TATDN2: variants seen among roughly 807,000 people sequenced by gnomAD.
The protein encoded by TATDN2 is 3'-5' RNA nuclease TATDN2.
Under a neutral mutation model 60.3 loss-of-function variants are expected in TATDN2, and 44 were observed. The ratio of observed to expected loss-of-function variants is 0.73; its 90% CI spans 0.57 to 0.94. The LOEUF (loss-of-function observed/expected upper bound fraction) is 0.94. Among genes scored for constraint, TATDN2 ranks in the 40% least tolerant of loss-of-function variants. The probability of loss-of-function intolerance (pLI) is 0.00; values close to 1 mark genes in which losing one functional copy is unlikely to be tolerated. For missense variants in TATDN2, 997 were observed against 948.0 expected, an observed-to-expected ratio of 1.05 and a Z score of -0.68; for synonymous variants, 399 against 355.8, an observed-to-expected ratio of 1.12 and a Z score of -1.37.
intron 2 of TATDN2, among the ~76,000 whole-genome samples, chr3:10,252,980 C>T (rs1417024527): frequency 6.6e-6 from 1 of 151,910 alleles, no homozygotes; most frequent in Non-Finnish European, 1.5e-5. Flanking sequence ...CCTCAGCCTC[C>T]CCAGCAGCTG....
intron 3 of TATDN2, among the ~76,000 whole-genome samples, chr3:10,269,107 T>A (rs916105232): frequency 6.6e-6 from 1 of 152,118 alleles, no homozygotes; most frequent in Non-Finnish European, 1.5e-5. Context: ...GGACAGATGT[T>A]GGCTGTCAGC....
In TATDN2 at chr3:10,249,192, C is replaced by T. The variant is rs1698180895; in HGVS notation, c.-6-3C>T. 3 of 1,509,836 alleles carry T rather than the reference C, an allele frequency of 2.0e-6. No homozygotes were observed. The highest frequency in any genetic ancestry group is 4.5e-5 in the Admixed American group (2 of 44,336). 93.5% of individuals were successfully genotyped at this position (1,509,836 alleles called of 1,614,324 possible). A position where few individuals can be genotyped will look rare whatever the true frequency, so the allele number is the denominator to read the frequency against. The stretch of plus-strand genomic sequence containing the variant: ...TGGAATCCAGGCCCCCTGTACCTTG[C>T]AGGTGCCCATGGCGTCCGAGCGGGG... On this transcript the variant is annotated splice_polypyrimidine_tract_variant and splice_region_variant and intron_variant, in intron 1 of 7. Transcript: ENST00000448281.
At chr3:10,250,875 AAAT>A (rs549758044) in intron 2 of TATDN2, among the ~76,000 whole-genome samples, 221 of 152,322 alleles carry the variant, frequency 1.5e-3, no homozygotes, top group African/African-American at 3.2e-3. Flanking sequence ...GTACAGCATA[AAAT>A]AATACCAGTT....
In TATDN2 at chr3:10,248,934, C is replaced by G. The variant is rs751506454; in HGVS notation, c.-140C>G. 2.5e-6 allele frequency: 1 copy of G among 401,306 alleles called. No homozygotes were observed. The highest frequency in any genetic ancestry group is 4.4e-6 in the Non-Finnish European group (1 of 228,836). 24.9% of individuals were successfully genotyped at this position (401,306 alleles called of 1,614,324 possible). ...CTGGGCAAAGTGAAGGCTTCCTGAT[C>G]TCAGAAGCACGTTGTGGGCTTGGAA... On this transcript the variant is annotated 5_prime_UTR_variant, in exon 1 of 8. The change creates a new upstream start codon in the 5' untranslated region. Coordinates refer to ENST00000448281, the MANE Select transcript of TATDN2 (RefSeq NM_014760.4).
chr3:10,255,706 C>T (rs748485190), intron 2 of TATDN2, among the ~76,000 whole-genome samples: 6 of 152,260 alleles, frequency 3.9e-5, no homozygotes, highest in South Asian at 2.1e-4. Flanking sequence ...CTTTGGGAGG[C>T]TCAGGTGGGC....
chr3:10,266,851 TTTGCTCAGTGCCC>T (rs1335018256), intron 3 of TATDN2, among the ~76,000 whole-genome samples: 1 of 152,152 alleles, frequency 6.6e-6, no homozygotes, highest in African/African-American at 2.4e-5. Context: ...GTGATTACTC[TTTGCTCAGTGCCC>T]AGTAGTAGGT....
At position 10,249,400 on chromosome 3, in the gene TATDN2, G is replaced by A. The variant is rs950041109; in HGVS notation, c.200G>A (p.Arg67Gln). The A allele has an allele frequency of 2.5e-6, 4 of 1,613,238 alleles. No individual in the cohort carries two copies. The highest frequency in any genetic ancestry group is 2.7e-5 in the African/African-American group (2 of 75,044). Residue 67 changes from arginine to glutamine, a missense_variant, in exon 2 of 8, where the codon CGG (arginine) becomes CAG (glutamine). Arg to Gln is a conservative substitution (Grantham distance 43). Coordinates refer to ENST00000448281, the MANE Select transcript of TATDN2 (RefSeq NM_014760.4). ...AAGGAGGACGATGTGGCTTGCTCGC[G>A]GAGGTTATCCTGGGGCTCATCCCGC... is the stretch of plus-strand genomic sequence containing the variant. ...AQKEDDVACS[R>Q]RLSWGSSRRR... is the part of the protein sequence containing the mutation.
Position 10,279,804 on chromosome 3 carries a change from C to T in TATDN2, c.*622C>T, listed in dbSNP as rs1698701851. 6.5e-6 allele frequency: 1 copy of T among 153,162 alleles called. No individual in the cohort carries two copies. The highest frequency in any genetic ancestry group is 6.5e-5 in the Admixed American group (1 of 15,282). The allele number at this position is 153,162 out of a possible 1,614,324, so 9.5% of individuals were successfully genotyped here. A position where few individuals can be genotyped will look rare whatever the true frequency, so the allele number is the denominator to read the frequency against. ...GCAGAAGGACTTCAGCTGCTGGTCT[C>T]ATTGGTTCCACTGCCATTGATATGG... On this transcript the variant is annotated 3_prime_UTR_variant, in exon 8 of 8. Transcript: ENST00000448281.
At chr3:10,258,314 C>G (rs999967546) in intron 2 of TATDN2, among the ~76,000 whole-genome samples, 1 of 149,164 alleles carries the variant, frequency 6.7e-6, no homozygotes, top group African/African-American at 2.5e-5. Context: ...GTCTCATTCT[C>G]TCACCCAGGC....
At chr3:10,268,000 G>A (rs1698502696) in intron 3 of TATDN2, among the ~76,000 whole-genome samples, 1 of 152,200 alleles carries the variant, frequency 6.6e-6, no homozygotes. Flanking sequence ...GATAGTTTTT[G>A]AAGGATTGTT....
intron 4 of TATDN2, among the ~76,000 whole-genome samples, chr3:10,275,545 G>A (rs994183526): frequency 6.6e-6 from 1 of 152,100 alleles, no homozygotes; most frequent in Non-Finnish European, 1.5e-5. Context: ...GTTAGTTTGA[G>A]ACCAGCCTGA....
At chr3:10,262,193 G>T (rs558507949) in intron 3 of TATDN2, among the ~76,000 whole-genome samples, 1 of 152,048 alleles carries the variant, frequency 6.6e-6, no homozygotes, top group East Asian at 1.9e-4. Flanking sequence ...GCCCTCTGTT[G>T]TCCTGCTCTG....
chr3:10,267,133 C>T (rs781324506), intron 3 of TATDN2, among the ~76,000 whole-genome samples: 7 of 151,914 alleles, frequency 4.6e-5, no homozygotes, highest in African/African-American at 7.3e-5. Flanking sequence ...GTTGCCCAGG[C>T]TGGTCTGGAA....
chr3:10,277,214 T>C lies in TATDN2; in HGVS notation c.1961+726T>C, dbSNP rs537886988. Among the ~76,000 whole-genome samples, 8 of 152,356 alleles carry C rather than the reference T, an allele frequency of 5.3e-5. No individual in the cohort carries two copies. In the East Asian group the frequency reaches 9.6e-4, roughly 18 times the overall value. On this transcript the variant is annotated intron_variant, in intron 5 of 7. Coordinates refer to ENST00000448281, the MANE Select transcript of TATDN2 (RefSeq NM_014760.4). ...TTGAAAGCTCCTTTCTCCCCAGTTA[T>C]GAAAATCAAGGTCATGTTTTATCAG...
chr3:10,273,508 A>G (rs1461551174), intron 4 of TATDN2, among the ~76,000 whole-genome samples: 2 of 151,872 alleles, frequency 1.3e-5, no homozygotes, highest in African/African-American at 4.8e-5. Context: ...TGTAATCCCA[A>G]CACTTTGGGA....
chr3:10,267,468 GT>G (rs920378164), intron 3 of TATDN2, among the ~76,000 whole-genome samples: 2 of 152,010 alleles, frequency 1.3e-5, no homozygotes, highest in East Asian at 3.8e-4. Flanking sequence ...TTTGATGATT[GT>G]TTTGGTTCAT....
intron 2 of TATDN2, among the ~76,000 whole-genome samples, chr3:10,258,301 A>G (rs1481239097): frequency 2.0e-5 from 3 of 148,916 alleles, no homozygotes; most frequent in Non-Finnish European, 4.5e-5. Flanking sequence ...TGTTTGAGAC[A>G]GAGTCTCATT....
At chr3:10,267,188 TG>T (rs1365413316) in intron 3 of TATDN2, among the ~76,000 whole-genome samples, 2 of 152,050 alleles carry the variant, frequency 1.3e-5, no homozygotes, top group Non-Finnish European at 2.9e-5. Flanking sequence ...CCCAAAGTGC[TG>T]GGATTACAGG....
In TATDN2 at chr3:10,278,151, G is replaced by A; in HGVS notation, c.1962-128G>A. 7 of 1,097,932 alleles carry A rather than the reference G, an allele frequency of 6.4e-6. No homozygotes were observed. The highest frequency in any genetic ancestry group is 9.2e-6 in the Non-Finnish European group (7 of 758,162). 68.0% of individuals were successfully genotyped at this position (1,097,932 alleles called of 1,614,324 possible). A position where few individuals can be genotyped will look rare whatever the true frequency, so the allele number is the denominator to read the frequency against. ...CCAGCCCTTGTCTGTGTTTACTGTG[G>A]AGTCCTTCCCTAGGATGCAGTCTTT... On this transcript the variant is annotated intron_variant, in intron 5 of 7. Transcript: ENST00000448281. This position sits in a 1 kb window ranked among gnomAD's most constrained non-coding sequence, Gnocchi z 4.7.
Sources: allele counts gnomAD v4.1 joint callset (sites outside exome capture counted in the v4.1 genomes callset), GRCh38; gene constraint gnomAD v4.1.1; non-coding constraint Gnocchi (gnomAD v3.1); transcripts MANE v1.5; gene names NCBI Gene and HGNC (gene_info 2026-07-23, HGNC 2026-07-21).